Variants in RYR2 observed in about 807,000 individuals in gnomAD.
The protein encoded by RYR2 is cardiac muscle ryanodine receptor-calcium release channel.
Under a neutral mutation model 601.1 loss-of-function variants are expected in RYR2, and 227 were observed. The observed-to-expected ratio is 0.38, with a 90% CI of 0.34 to 0.42. The LOEUF is 0.42. RYR2 is among the 10% of genes least tolerant of loss of function. RYR2 has a pLI of 1.00. For missense variants in RYR2, 4,646 were observed against 6,156.5 expected, an observed-to-expected ratio of 0.75 and a Z score of 8.21; for synonymous variants, 2,223 against 2,175.1, an observed-to-expected ratio of 1.02 and a Z score of -0.61.
chr1:237,192,059 T>G (rs1680021213), intron 1 of RYR2, among the ~76,000 whole-genome samples: 1 of 151,830 alleles, frequency 6.6e-6, no homozygotes, highest in Non-Finnish European at 1.5e-5. Context: ...AAATATTCAG[T>G]ATGAAGATAC....
intron 10 of RYR2, among the ~76,000 whole-genome samples, chr1:237,406,650 C>T (rs1703935943): frequency 6.6e-6 from 1 of 151,802 alleles, no homozygotes; most frequent in South Asian, 2.1e-4. Flanking sequence ...GTAATATATT[C>T]CTAATATATT....
At chr1:237,129,099 A>G (rs1671859965) in intron 1 of RYR2, among the ~76,000 whole-genome samples, 1 of 152,164 alleles carries the variant, frequency 6.6e-6, no homozygotes, top group Non-Finnish European at 1.5e-5. Context: ...ACATCTGACT[A>G]CTTTCTGCCA....
In RYR2 at chr1:237,194,285, T is replaced by G. The variant is rs1680316451; in HGVS notation, c.49-76212T>G. Among the ~76,000 whole-genome samples, 3 of 152,256 alleles carry G rather than the reference T, an allele frequency of 2.0e-5. No homozygotes were observed. The South Asian group carries it at 6.2e-4, about 32-fold the overall frequency. On this transcript the variant is annotated intron_variant, in intron 1 of 104. Coordinates refer to ENST00000366574, the MANE Select transcript of RYR2 (RefSeq NM_001035.3). ...TAGAAATCTAGAGAAGAAAAGAGAT[T>G]TTTTGGCTGTCGCAGTTCTATCAGG...
intron 17 of RYR2, among the ~76,000 whole-genome samples, chr1:237,473,996 G>A (rs1247179067): frequency 6.6e-6 from 1 of 151,834 alleles, no homozygotes; most frequent in African/African-American, 2.4e-5. Flanking sequence ...GTTGCCAATA[G>A]TGAGGAAAAA....
At chr1:237,324,213 T>G (rs1695925396) in intron 2 of RYR2, among the ~76,000 whole-genome samples, 1 of 152,216 alleles carries the variant, frequency 6.6e-6, no homozygotes, top group Non-Finnish European at 1.5e-5. Flanking sequence ...TGGTTTTTTT[T>G]GTCACTGGAG....
chr1:237,753,054 T>G (rs1009492764), intron 80 of RYR2, among the ~76,000 whole-genome samples: 2 of 152,202 alleles, frequency 1.3e-5, no homozygotes, highest in Non-Finnish European at 2.9e-5. Flanking sequence ...ATTTGGTAGA[T>G]TCAGCCTGTC....
chr1:237,602,054 G>C lies in RYR2; in HGVS notation c.4626G>C (p.Ala1542=). 1 of 1,612,478 alleles carries C rather than the reference G, an allele frequency of 6.2e-7. No individual in the cohort carries two copies. ...QVEPSTKLFP[A]VFAQATSPNV... ...AACCGAGTACAAAATTATTTCCTGCGGTTTTTGCACAAGCTACAAGTCCCA... is the reference window on the plus strand; with the variant it reads ...AACCGAGTACAAAATTATTTCCTGCCGTTTTTGCACAAGCTACAAGTCCCA... The change falls in exon 35 of 105, where the codon GCG becomes GCC. Residue 1542 remains alanine (A), a synonymous_variant. Transcript: ENST00000366574.
chr1:237,380,397 T>TTGTAA (rs1701392840), intron 8 of RYR2, among the ~76,000 whole-genome samples: 1 of 34,312 alleles, frequency 2.9e-5, no homozygotes, highest in African/African-American at 1.0e-4. Flanking sequence ...TATATATATA[T>TTGTAA]ATATATATAT....
chr1:237,546,979 A>ATG (rs1268396430), intron 25 of RYR2, among the ~76,000 whole-genome samples: 1 of 110,166 alleles, frequency 9.1e-6, no homozygotes, highest in South Asian at 3.0e-4. Flanking sequence ...TCAAAAGCAT[A>ATG]TATATATATA....
intron 8 of RYR2, among the ~76,000 whole-genome samples, chr1:237,379,626 T>A (rs1044729801): frequency 1.4e-4 from 22 of 152,196 alleles, no homozygotes; most frequent in African/African-American, 4.8e-4. Flanking sequence ...TTGTTTTTTT[T>A]ATTTTATTTT....
chr1:237,445,405 T>A lies in RYR2; in HGVS notation c.1175T>A (p.Ile392Asn), dbSNP rs1267247155. The change falls in exon 14 of 105, where the codon ATT (isoleucine) becomes AAT (asparagine). Residue 392 changes from isoleucine (I) to asparagine (N), a missense_variant. Around this residue, in one of 17 missense-constraint regions of RYR2, gnomAD observed 1,807 missense variants for 2,088.1 expected, o/e 0.87. Coordinates refer to ENST00000366574, the MANE Select transcript of RYR2 (RefSeq NM_001035.3). ...CTTATTTTTGCTTTCTTACAGGCTA[T>A]TATGCATCATGAAGGCCACATGGAT... The part of the protein sequence containing the change: ...VRMGSIQRKA[I>N]MHHEGHMDDG... 1 of 1,613,452 alleles carries A rather than the reference T, an allele frequency of 6.2e-7. No homozygotes were observed. The highest frequency in any genetic ancestry group is 1.7e-5 in the Admixed American group (1 of 59,960).
In RYR2 at chr1:237,567,909, C is replaced by T. The variant is rs745929989; in HGVS notation, c.3423+1134C>T. On this transcript the variant is annotated intron_variant, in intron 28 of 104. Transcript: ENST00000366574. ...TGACCCACTTAGTTTTGAAACATCACATTTCCTGAATCCAGTTTTTTAAAA... is the reference window on the plus strand; with the variant it reads ...TGACCCACTTAGTTTTGAAACATCATATTTCCTGAATCCAGTTTTTTAAAA... 1.2e-4 allele frequency among the ~76,000 whole-genome samples: 18 copies of T among 145,956 alleles called. No homozygotes were observed. In the South Asian group the frequency reaches 2.6e-3, roughly 21 times the overall value.
intron 1 of RYR2, among the ~76,000 whole-genome samples, chr1:237,254,501 A>G (rs1687762283): frequency 6.6e-6 from 1 of 152,210 alleles, no homozygotes; most frequent in Non-Finnish European, 1.5e-5. Flanking sequence ...GAATAATCGT[A>G]CACAGTGGTT....
chr1:237,176,062 T>A (rs530216598), intron 1 of RYR2, among the ~76,000 whole-genome samples: 19 of 151,796 alleles, frequency 1.3e-4, no homozygotes, highest in Admixed American at 5.9e-4. Context: ...TGAGACCTTA[T>A]CTCTGCAAAA....
chr1:237,042,940 G>A (rs920843570), intron 1 of RYR2, among the ~76,000 whole-genome samples: 2 of 152,138 alleles, frequency 1.3e-5, no homozygotes, highest in Non-Finnish European at 2.9e-5. Context: ...CCGGGCGGCC[G>A]GGGGCAGGGT....
chr1:237,510,570 C>T (rs1456727292), intron 23 of RYR2, among the ~76,000 whole-genome samples: 1 of 151,858 alleles, frequency 6.6e-6, no homozygotes, highest in Non-Finnish European at 1.5e-5. Context: ...TAATGATGAC[C>T]AGAAAGAAAG....
chr1:237,132,588 C>G (rs1178601619), intron 1 of RYR2, among the ~76,000 whole-genome samples: 3 of 152,048 alleles, frequency 2.0e-5, no homozygotes, highest in African/African-American at 7.2e-5. Context: ...GGCATCCAAA[C>G]CAAACACAAA....
intron 10 of RYR2, among the ~76,000 whole-genome samples, chr1:237,416,327 G>A (rs1572222591): frequency 6.6e-6 from 1 of 152,146 alleles, no homozygotes; most frequent in East Asian, 1.9e-4. Context: ...GAAAGAAAGA[G>A]GGCATGTGCA....
chr1:237,503,663 A>C (rs1341880941), intron 22 of RYR2, among the ~76,000 whole-genome samples, 158 bp downstream of exon 22: 1 of 152,042 alleles, frequency 6.6e-6, no homozygotes, highest in African/African-American at 2.4e-5. Context: ...AATAACACTT[A>C]CCTTTACCAT....
Sources: allele counts gnomAD v4.1 joint callset (sites outside exome capture counted in the v4.1 genomes callset), GRCh38; gene constraint gnomAD v4.1.1; regional missense constraint gnomAD v4.1.1; transcripts MANE v1.5; gene names NCBI Gene and HGNC (gene_info 2026-07-23, HGNC 2026-07-21).